The following TNFSF4 variants were observed in gnomAD, a reference collection of about 807,000 sequenced individuals.
TNFSF4 encodes the protein tumor necrosis factor ligand superfamily member 4.
A neutral mutation model predicts 7.3 loss-of-function variants in TNFSF4; 4 were observed. That is an observed-to-expected ratio of 0.55 (90% CI 0.27 to 1.25). The LOEUF (loss-of-function observed/expected upper bound fraction) is 1.25, where lower values mean the gene tolerates loss of function less well. TNFSF4 is among the 50% of genes most tolerant of loss of function. The pLI is 0.12. For synonymous variants in TNFSF4, 76 were observed against 83.7 expected, an observed-to-expected ratio of 0.91 and a Z score of 0.50; for missense variants, 181 against 208.8, an observed-to-expected ratio of 0.87 and a Z score of 0.82.
At chr1:173,387,068 A>T in the TNFSF4 span, among the ~76,000 whole-genome samples, 2 of 152,058 alleles carry the variant, frequency 1.3e-5, no homozygotes, top group Non-Finnish European at 2.9e-5. Flanking sequence ...TACTTAGATG[A>T]GGCTCTGGAC....
chr1:173,229,457 A>G, the TNFSF4 span, among the ~76,000 whole-genome samples: 2 of 152,240 alleles, frequency 1.3e-5, no homozygotes, highest in African/African-American at 4.8e-5. Context: ...AGGAACAACC[A>G]GTACCAGACA....
the TNFSF4 span, among the ~76,000 whole-genome samples, chr1:173,339,199 C>T: frequency 0.94 from 142,445 of 152,050 alleles, 67,435 homozygotes; most frequent in East Asian, 1. Context: ...GGCAACATAG[C>T]GAGACCTCAT....
At chr1:173,264,168 G>T in the TNFSF4 span, among the ~76,000 whole-genome samples, 1 of 152,038 alleles carries the variant, frequency 6.6e-6, no homozygotes, top group African/African-American at 2.4e-5. Context: ...TTTTGAGACA[G>T]GGTATTATTC....
chr1:173,364,273 T>C, the TNFSF4 span, among the ~76,000 whole-genome samples: 2 of 148,408 alleles, frequency 1.3e-5, no homozygotes. Context: ...TCATAACATA[T>C]TGTTCAAAAA....
At chr1:173,369,542 G>A in the TNFSF4 span, among the ~76,000 whole-genome samples, 3 of 152,002 alleles carry the variant, frequency 2.0e-5, no homozygotes, top group South Asian at 2.1e-4. Flanking sequence ...GTTCTTGGGT[G>A]GGAGGAAAAA....
the TNFSF4 span, among the ~76,000 whole-genome samples, chr1:173,347,124 T>C: frequency 6.6e-6 from 1 of 152,190 alleles, no homozygotes; most frequent in African/African-American, 2.4e-5. Flanking sequence ...GGGCCACTAC[T>C]GAAGTTAGGT....
At chr1:173,428,299 T>C in the TNFSF4 span, among the ~76,000 whole-genome samples, 1 of 152,192 alleles carries the variant, frequency 6.6e-6, no homozygotes, top group South Asian at 2.1e-4. Flanking sequence ...TGACAGAATA[T>C]TTTGTTATGA....
At chr1:173,395,037 TGATAGATAGATA>T in the TNFSF4 span, among the ~76,000 whole-genome samples, 139 of 94,120 alleles carry the variant, frequency 1.5e-3, 2 homozygotes, top group Admixed American at 7.4e-3. Flanking sequence ...GATAGATAGA[TGATAGATAGATA>T]GATAGATAGA....
the TNFSF4 span, among the ~76,000 whole-genome samples, chr1:173,389,848 C>A: frequency 6.6e-6 from 1 of 152,020 alleles, no homozygotes; most frequent in Non-Finnish European, 1.5e-5. Flanking sequence ...CTATTTGATT[C>A]TTTTTTCAAA....
At chr1:173,250,175 A>T in the TNFSF4 span, among the ~76,000 whole-genome samples, 2 of 152,086 alleles carry the variant, frequency 1.3e-5, no homozygotes, top group African/African-American at 2.4e-5. Flanking sequence ...CTAAATTGAG[A>T]TCTTTATTTT....
the TNFSF4 span, among the ~76,000 whole-genome samples, chr1:173,340,990 A>T: frequency 2.0e-5 from 3 of 152,250 alleles, no homozygotes; most frequent in East Asian, 5.8e-4. Flanking sequence ...TGTTCTCGTG[A>T]TAGTGAGTGA....
the TNFSF4 span, among the ~76,000 whole-genome samples, chr1:173,266,952 A>T: frequency 6.6e-6 from 1 of 152,118 alleles, no homozygotes; most frequent in Non-Finnish European, 1.5e-5. Flanking sequence ...TGTTATTTTT[A>T]AAACTCGTAG....
At chr1:173,446,085 A>G in the TNFSF4 span, among the ~76,000 whole-genome samples, 1 of 152,226 alleles carries the variant, frequency 6.6e-6, no homozygotes, top group Non-Finnish European at 1.5e-5. Flanking sequence ...AACCAATAAA[A>G]GTTTACTAAT....
the TNFSF4 span, chr1:173,175,288 G>A: frequency 6.6e-6 from 1 of 152,198 alleles, no homozygotes; most frequent in Non-Finnish European, 1.5e-5. Context: ...TCTAAATCTT[G>A]AGTGCTTTAG....
chr1:173,372,284 C>A, the TNFSF4 span, among the ~76,000 whole-genome samples: 1 of 152,106 alleles, frequency 6.6e-6, no homozygotes, highest in Admixed American at 6.5e-5. Context: ...CCGGATACAG[C>A]AAGATGGCCA....
the TNFSF4 span, among the ~76,000 whole-genome samples, chr1:173,375,694 G>A: frequency 2.0e-5 from 3 of 152,028 alleles, no homozygotes; most frequent in Non-Finnish European, 4.4e-5. Flanking sequence ...ATCGCAGGGA[G>A]GACTGAAAAA....
chr1:173,389,007 G>C, the TNFSF4 span, among the ~76,000 whole-genome samples: 2 of 152,162 alleles, frequency 1.3e-5, no homozygotes, highest in Non-Finnish European at 2.9e-5. Flanking sequence ...GGCAACCACT[G>C]TTACCAGTTC....
chr1:173,207,013 G>C lies in TNFSF4; in HGVS notation c.153+11C>G, dbSNP rs1409179240. 1 of 1,597,214 alleles carries C rather than the reference G, an allele frequency of 6.3e-7. No individual in the cohort carries two copies. ...GCTGGTGGGAAAACAGCGCCCAGTGGTGCATCTTACCTGAAGAGCAGAGAA... is the reference window on the plus strand; with the variant it reads ...GCTGGTGGGAAAACAGCGCCCAGTGCTGCATCTTACCTGAAGAGCAGAGAA... On this transcript the variant is annotated intron_variant, in intron 1 of 2. Transcript: ENST00000281834.
At chr1:173,384,677 T>C in the TNFSF4 span, among the ~76,000 whole-genome samples, 1 of 152,102 alleles carries the variant, frequency 6.6e-6, no homozygotes, top group African/African-American at 2.4e-5. Flanking sequence ...AAAAAAGCGA[T>C]GAAACAAATT....
Sources: gnomAD v4.1 joint callset for allele counts (sites outside exome capture counted in the v4.1 genomes callset) on GRCh38, gnomAD v4.1.1 for gene constraint, MANE v1.5 for transcripts, NCBI Gene and HGNC (gene_info 2026-07-23, HGNC 2026-07-21) for gene names.